IQGAP3: variants seen among roughly 807,000 people sequenced by gnomAD.
The protein encoded by IQGAP3 is ras GTPase-activating-like protein IQGAP3.
IQGAP3 carries 165 observed loss-of-function variants against 208.2 expected under a neutral mutation model. That is an observed-to-expected ratio of 0.79 (90% confidence interval 0.70 to 0.90). The LOEUF (loss-of-function observed/expected upper bound fraction) is 0.90, where lower values mean the gene tolerates loss of function less well. IQGAP3 is among the 40% of genes least tolerant of loss of function. IQGAP3 has a pLI of 0.00. For missense variants in IQGAP3, 1,811 were observed against 2,043.1 expected (o/e 0.89, Z 2.19); for synonymous variants, 703 against 803.6 (o/e 0.87, Z 2.12).
intron 12 of IQGAP3, among the ~76,000 whole-genome samples, chr1:156,555,904 C>A (rs1369545939): frequency 6.6e-6 from 1 of 152,242 alleles, no homozygotes; most frequent in Non-Finnish European, 1.5e-5. Context: ...TTCCTGAGGG[C>A]TGTGCCTGTA....
At chr1:156,562,280 C>T (rs1676190975) in intron 9 of IQGAP3, among the ~76,000 whole-genome samples, 1 of 152,052 alleles carries the variant, frequency 6.6e-6, no homozygotes, top group Admixed American at 6.6e-5. Context: ...TCCCCCCATC[C>T]TCATGTATTC....
intron 6 of IQGAP3, 40 bp from the exon 7 acceptor site, chr1:156,563,706 C>G (rs1385886153): frequency 1.2e-6 from 2 of 1,608,274 alleles, no homozygotes; most frequent in East Asian, 4.5e-5. Context: ...AGGCCCAGAA[C>G]CCCCAAGACC....
intron 37 of IQGAP3, 25 bp downstream of exon 37, chr1:156,527,927 C>T: frequency 6.6e-7 from 1 of 1,523,462 alleles, no homozygotes; most frequent in Non-Finnish European, 9.1e-7. Context: ...AGATGTCCTG[C>T]AGGCTCATGG....
chr1:156,551,606 G>A (rs1675549029), intron 15 of IQGAP3, 99 bp downstream of exon 15: 2 of 1,250,318 alleles, frequency 1.6e-6, no homozygotes, highest in Non-Finnish European at 2.2e-6. Context: ...AGAAGCCATT[G>A]TGTCCATCAG....
Position 156,534,557 on chromosome 1 carries a change from C to G in IQGAP3, c.3684G>C (p.Gln1228His), listed in dbSNP as rs775604752. ...CATTCAGGACCCGTAGGTGCTGGCT[C>G]TGCCCAGAGAAGGCCTTGCCAGCCG... is the stretch of plus-strand genomic sequence containing the variant. Reference protein sequence around the residue: ...HAAAGKAFSGQSQHLRVLNDY... With the variant: ...HAAAGKAFSGHSQHLRVLNDY... The change falls in exon 29 of 38, where the codon CAG becomes CAC. Residue 1228 changes from glutamine to histidine, a missense_variant. Coordinates refer to ENST00000361170, the MANE Select transcript of IQGAP3 (RefSeq NM_178229.5). The G allele has an allele frequency of 6.2e-7, 1 of 1,610,978 alleles. No individual in the cohort carries two copies. Among genetic ancestry groups the G allele is most frequent in the Non-Finnish European group, 8.5e-7 (1 of 1,178,406 alleles).
Position 156,539,539 on chromosome 1 carries a change from T to C in IQGAP3, c.2893-2A>G. On this transcript the variant is annotated splice_acceptor_variant, in intron 24 of 37. Transcript: ENST00000361170. LOFTEE classifies it high-confidence loss of function. ...CTTGGCCAGGTAGATGGGCTGAGTC[T>C]GCAAGCAAGAGGGGAGACAGGAATG... The C allele has an allele frequency of 2.5e-6, 4 of 1,614,152 alleles. No homozygotes were observed. The highest frequency in any genetic ancestry group is 3.4e-6 in the Non-Finnish European group (4 of 1,180,000).
intron 32 of IQGAP3, 35 bp from the exon 33 acceptor site, chr1:156,531,282 G>T (rs1221096543): frequency 6.4e-7 from 1 of 1,554,528 alleles, no homozygotes. Context: ...GGAGAGGTAA[G>T]GGGCAGGGGA....
chr1:156,548,245 T>A lies in IQGAP3; in HGVS notation c.2134-2A>T. On this transcript the variant is annotated splice_acceptor_variant, in intron 18 of 37. Coordinates refer to ENST00000361170, the MANE Select transcript of IQGAP3 (RefSeq NM_178229.5). LOFTEE classifies it high-confidence loss of function. ...AGCAGTGACCTTGGTGACAGCTGACTGTGGAGGCAGGAGAGAGACGCTGTG... is the reference window on the plus strand; with the variant it reads ...AGCAGTGACCTTGGTGACAGCTGACAGTGGAGGCAGGAGAGAGACGCTGTG... The A allele has an allele frequency of 1.2e-6, 2 of 1,613,240 alleles. No individual in the cohort carries two copies. The highest frequency in any genetic ancestry group is 1.7e-6 in the Non-Finnish European group (2 of 1,179,314).
chr1:156,528,861 G>T, intron 35 of IQGAP3, 55 bp downstream of exon 35: 1 of 1,592,056 alleles, frequency 6.3e-7, no homozygotes, highest in South Asian at 1.1e-5. Flanking sequence ...AAGGTGACAT[G>T]GGCAGGGGTG....
intron 27 of IQGAP3, 43 bp from the exon 28 acceptor site, chr1:156,535,290 ATC>A: frequency 7.3e-7 from 1 of 1,368,586 alleles, no homozygotes; most frequent in Non-Finnish European, 1.0e-6. Context: ...GCCTCTGCCC[ATC>A]TCTCTCTGCC....
intron 12 of IQGAP3, 147 bp downstream of exon 12, chr1:156,556,386 G>A (rs1299343543): frequency 2.8e-6 from 2 of 702,822 alleles, no homozygotes; most frequent in Non-Finnish European, 4.7e-6. Context: ...AATACGCTCA[G>A]TAAGGCAGGG....
At chr1:156,565,606 G>A (rs1196687960) in intron 4 of IQGAP3, among the ~76,000 whole-genome samples, 4 of 152,220 alleles carry the variant, frequency 2.6e-5, no homozygotes, top group Non-Finnish European at 5.9e-5. Flanking sequence ...TTACAGATGA[G>A]TAACAAATTG....
Position 156,526,072 on chromosome 1 carries a change from G to A in IQGAP3, c.*414C>T, listed in dbSNP as rs1322641552. 2.6e-5 allele frequency: 5 copies of A among 193,874 alleles called. No individual in the cohort carries two copies. The highest frequency in any genetic ancestry group is 4.6e-5 in the African/African-American group (2 of 43,566). The allele number at this position is 193,874 out of a possible 1,614,324, so 12.0% of individuals were successfully genotyped here. On this transcript the variant is annotated 3_prime_UTR_variant, in exon 38 of 38. Transcript: ENST00000361170. ...ATGCAGTGGGAGGTAGGGATGGGGAGCCTGGCCCTGGCTTTGTGGGAGTGC... is the reference window on the plus strand; with the variant it reads ...ATGCAGTGGGAGGTAGGGATGGGGAACCTGGCCCTGGCTTTGTGGGAGTGC...
chr1:156,548,779 T>A, intron 16 of IQGAP3, 31 bp from the exon 17 acceptor site: 1 of 1,521,136 alleles, frequency 6.6e-7, no homozygotes, highest in South Asian at 1.3e-5. Context: ...GAGCAGTCAA[T>A]CCTTCCCCCG....
At chr1:156,541,542 A>G (rs1375650807) in intron 22 of IQGAP3, among the ~76,000 whole-genome samples, 1 of 152,190 alleles carries the variant, frequency 6.6e-6, no homozygotes, top group Non-Finnish European at 1.5e-5. Flanking sequence ...CAACTAATAC[A>G]TAGAATGTTT....
At chr1:156,532,625 T>C (rs1008596937) in intron 32 of IQGAP3, among the ~76,000 whole-genome samples, 1 of 152,140 alleles carries the variant, frequency 6.6e-6, no homozygotes, top group Non-Finnish European at 1.5e-5. Flanking sequence ...GCCAGGTGGA[T>C]GGCTTTGAGG....
chr1:156,528,432 C>T lies in IQGAP3; in HGVS notation c.4673+77G>A, dbSNP rs952885845. On this transcript the variant is annotated intron_variant, in intron 36 of 37. Coordinates refer to ENST00000361170, the MANE Select transcript of IQGAP3 (RefSeq NM_178229.5). ...GGGACCATGCTTCTTCTCTTCCACC[C>T]GGTGCCCAGCCCAGAGCTCCACCCC... 5.8e-6 allele frequency: 6 copies of T among 1,026,574 alleles called. No individual in the cohort carries two copies. The highest frequency in any genetic ancestry group is 1.4e-5 in the South Asian group (1 of 73,840). The allele number at this position is 1,026,574 out of a possible 1,614,324, so 63.6% of individuals were successfully genotyped here.
intron 19 of IQGAP3, among the ~76,000 whole-genome samples, chr1:156,547,525 G>T (rs897695299): frequency 6.6e-6 from 1 of 152,062 alleles, no homozygotes; most frequent in African/African-American, 2.4e-5. Context: ...CTGCCCTCTA[G>T]CCTGGGTGAC....
chr1:156,526,401 T>A lies in IQGAP3; in HGVS notation c.*85A>T, dbSNP rs117429891. ...CTTGCCCAGTCCTGAGCTCTAGGTG[T>A]CTGCAGGGAAGCACAGTGGTGAGTT... On this transcript the variant is annotated 3_prime_UTR_variant, in exon 38 of 38. Coordinates refer to ENST00000361170, the MANE Select transcript of IQGAP3 (RefSeq NM_178229.5). The A allele has an allele frequency of 4.4e-6, 4 of 899,638 alleles. No individual in the cohort carries two copies. Among genetic ancestry groups the A allele is most frequent in the Non-Finnish European group, 7.4e-6 (4 of 542,604 alleles). 55.7% of individuals were successfully genotyped at this position (899,638 alleles called of 1,614,324 possible). A position where few individuals can be genotyped will look rare whatever the true frequency, so the allele number is the denominator to read the frequency against.
Sources: allele counts gnomAD v4.1 joint callset (sites outside exome capture counted in the v4.1 genomes callset), GRCh38; gene constraint gnomAD v4.1.1; transcripts MANE v1.5; gene names NCBI Gene and HGNC (gene_info 2026-07-23, HGNC 2026-07-21).